Variants in HTATIP2 observed in about 807,000 individuals in gnomAD.
HTATIP2 encodes protein HTATIP2.
Under a neutral mutation model 24.7 loss-of-function variants are expected in HTATIP2, and 26 were observed. The ratio of observed to expected loss-of-function variants is 1.05; its 90% CI spans 0.77 to 1.46. The LOEUF (loss-of-function observed/expected upper bound fraction) is 1.46, where lower values mean the gene tolerates loss of function less well. Ranked by LOEUF, HTATIP2 falls within the 40% of genes most tolerant of loss-of-function variation. The pLI is 0.00. For synonymous variants in HTATIP2, 99 were observed against 113.2 expected (o/e 0.87, Z 0.79); for missense variants, 284 against 289.6 (o/e 0.98, Z 0.14).
chr11:20,363,992 G>A lies in HTATIP2; in HGVS notation c.-246G>A. 1.6e-6 allele frequency: 2 copies of A among 1,270,656 alleles called. No homozygotes were observed. The highest frequency in any genetic ancestry group is 2.0e-6 in the Non-Finnish European group (2 of 1,007,922). The allele number at this position is 1,270,656 out of a possible 1,614,324, so 78.7% of individuals were successfully genotyped here. A position where few individuals can be genotyped will look rare whatever the true frequency, so the allele number is the denominator to read the frequency against. ...GATACCGTGGGGTATGCCCAGTGAT[G>A]CCAGCAGCTTGTGGCACCTGGGCGC... On this transcript the variant is annotated 5_prime_UTR_variant, in exon 1 of 5. The change abolishes an upstream ATG in the 5' untranslated region. Coordinates refer to ENST00000451739, the MANE Select transcript of HTATIP2 (RefSeq NM_001098522.2).
At chr11:20,367,680 G>C (rs566933178) in intron 2 of HTATIP2, 1 of 1,134,260 alleles carries the variant, frequency 8.8e-7, no homozygotes, top group East Asian at 5.4e-5. Flanking sequence ...TGAGTGATTT[G>C]CTTCAACTTA....
Position 20,363,961 on chromosome 11 carries a change from GC to G in HTATIP2, c.-275del. 8.0e-7 allele frequency: 1 copy of G among 1,244,256 alleles called. No individual in the cohort carries two copies. Among genetic ancestry groups the G allele is most frequent in the Non-Finnish European group, 1.0e-6 (1 of 992,384 alleles). 77.1% of individuals were successfully genotyped at this position (1,244,256 alleles called of 1,614,324 possible). On this transcript the variant is annotated 5_prime_UTR_variant, in exon 1 of 5. It removes the in-frame stop codon of an upstream open reading frame in the 5' UTR. Transcript: ENST00000451739. ...GAGCTGGGCCAGGTCTCCTGGCCGG[GC>G]CGGGGATACCGTGGGGTATGCCCAG...
intron 3 of HTATIP2, among the ~76,000 whole-genome samples, chr11:20,378,309 T>C (rs1311460967): frequency 6.6e-6 from 1 of 152,148 alleles, no homozygotes; most frequent in Non-Finnish European, 1.5e-5. Flanking sequence ...AAATCTGTTT[T>C]CCTTTTTTTT....
intron 2 of HTATIP2, chr11:20,367,518 C>G: frequency 1.4e-6 from 2 of 1,437,312 alleles, no homozygotes; most frequent in Non-Finnish European, 1.8e-6. Flanking sequence ...TAAATATTTA[C>G]ATGATTTTGC....
intron 4 of HTATIP2, 101 bp downstream of exon 4, chr11:20,382,340 T>C: frequency 1.4e-6 from 1 of 703,992 alleles, no homozygotes; most frequent in Non-Finnish European, 2.5e-6. Context: ...ATATCTAAGA[T>C]ATGAAAGACA....
chr11:20,382,190 G>A lies in HTATIP2; in HGVS notation c.454G>A (p.Ala152Thr), dbSNP rs769232784. 94 of 1,591,110 alleles carry A rather than the reference G, an allele frequency of 5.9e-5. No homozygotes were observed. Among genetic ancestry groups the A allele is most frequent in the Admixed American group, 1.2e-4 (7 of 59,946 alleles). ...TTTTTCTTAATAGGGAGAAGTAGAA[G>A]CCAAGGTTGAAGAATTAAAATTTGA... ...LYLQVKGEVE[A>T]KVEELKFDRY... The change falls in exon 4 of 5, where the codon GCC becomes ACC. Residue 152 changes from alanine to threonine, a missense_variant. Coordinates refer to ENST00000451739, the MANE Select transcript of HTATIP2 (RefSeq NM_001098522.2).
rs752194360 is a variant in HTATIP2 at position 20,383,091 on chromosome 11, C to T, written c.615C>T (p.Thr205=). 1.9e-5 allele frequency: 31 copies of T among 1,613,670 alleles called. No individual in the cohort carries two copies. The highest frequency in any genetic ancestry group is 4.5e-5 in the East Asian group (2 of 44,858). ...WASGHSVPVV[T]VVRAMLNNVV... Reference sequence around the variant, plus strand: ...GTGGGCATTCTGTGCCTGTGGTGACCGTGGTTAGAGCAATGCTGAACAATG... The same window carrying T: ...GTGGGCATTCTGTGCCTGTGGTGACTGTGGTTAGAGCAATGCTGAACAATG... Residue 205 remains threonine, a synonymous_variant, in exon 5 of 5, where the codon ACC becomes ACT. Transcript: ENST00000451739.
At chr11:20,368,710 A>C (rs2064740056) in intron 2 of HTATIP2, among the ~76,000 whole-genome samples, 1 of 152,218 alleles carries the variant, frequency 6.6e-6, no homozygotes, top group South Asian at 2.1e-4. Context: ...AGAAGGGTTG[A>C]TTTTCATGAC....
intron 3 of HTATIP2, among the ~76,000 whole-genome samples, chr11:20,379,895 C>CA (rs1276463811): frequency 2.0e-5 from 3 of 152,192 alleles, no homozygotes; most frequent in Non-Finnish European, 4.4e-5. Context: ...TAGTCATACT[C>CA]ACAGCTACAA....
At chr11:20,364,688 C>G (rs762762926) in intron 1 of HTATIP2, among the ~76,000 whole-genome samples, 2 of 152,092 alleles carry the variant, frequency 1.3e-5, no homozygotes, top group Admixed American at 1.3e-4. Flanking sequence ...AAAGCTGGGT[C>G]TGGGTTGTAA....
At chr11:20,378,678 G>A (rs1047584752) in intron 3 of HTATIP2, among the ~76,000 whole-genome samples, 4 of 152,196 alleles carry the variant, frequency 2.6e-5, no homozygotes, top group African/African-American at 7.2e-5. Context: ...AACACTAAAT[G>A]AGCCAGGCAG....
rs183358624 is a variant in HTATIP2 at position 20,365,142 on chromosome 11, C to T, written c.195+710C>T. ...GGAACTACAGGCGTGCGTCACCACT[C>T]CTGGCTAACTTTTGTATTTTTAGTA... On this transcript the variant is annotated intron_variant, in intron 1 of 4. Coordinates refer to ENST00000451739, the MANE Select transcript of HTATIP2 (RefSeq NM_001098522.2). Among the ~76,000 whole-genome samples the T allele has an allele frequency of 3.8e-3, 579 of 152,230 alleles. 4 individuals carry two copies. Among genetic ancestry groups the T allele is most frequent in the Non-Finnish European group, 6.6e-3 (447 of 68,006 alleles).
At chr11:20,369,706 T>G (rs893252687) in intron 2 of HTATIP2, among the ~76,000 whole-genome samples, 5 of 152,242 alleles carry the variant, frequency 3.3e-5, no homozygotes, top group African/African-American at 1.2e-4. Context: ...ATAAGACCAC[T>G]AGTCATACTG....
rs200473579 is a variant in HTATIP2, at chr11:20,364,385, A to G, written c.148A>G (p.Ile50Val). The change falls in exon 1 of 5, where the codon ATT (isoleucine) becomes GTT (valine). Residue 50 changes from isoleucine (I) to valine (V), a missense_variant. Coordinates refer to ENST00000451739, the MANE Select transcript of HTATIP2 (RefSeq NM_001098522.2). Reference sequence around the variant, plus strand: ...GGGCCTGTTTTCCAAAGTCACGCTCATTGGCCGGAGGAAGCTCACCTTCGA... The same window carrying G: ...GGGCCTGTTTTCCAAAGTCACGCTCGTTGGCCGGAGGAAGCTCACCTTCGA... ...EQGLFSKVTL[I>V]GRRKLTFDEE... 79 of 1,611,754 alleles carry G rather than the reference A, an allele frequency of 4.9e-5. No individual in the cohort carries two copies. In the East Asian group the frequency reaches 1.6e-3, roughly 33 times the overall value.
chr11:20,376,005 A>C (rs1200609505), intron 2 of HTATIP2: 1 of 152,438 alleles, frequency 6.6e-6, no homozygotes, highest in African/African-American at 2.4e-5. Flanking sequence ...CACTGCCTTC[A>C]CTGGACTGAA....
At chr11:20,370,340 T>G (rs2064758334) in intron 2 of HTATIP2, among the ~76,000 whole-genome samples, 2 of 152,202 alleles carry the variant, frequency 1.3e-5, no homozygotes, top group South Asian at 4.1e-4. Flanking sequence ...AATAGTTCAT[T>G]TCCCCTTATT....
chr11:20,366,091 T>C (rs1224378292), intron 1 of HTATIP2, among the ~76,000 whole-genome samples: 2 of 147,886 alleles, frequency 1.4e-5, no homozygotes, highest in Non-Finnish European at 3.0e-5. Context: ...TTTCTTTTCT[T>C]TTCTTTTCTT....
chr11:20,382,952 CTTTCTT>C, intron 4 of HTATIP2, 22 bp from the exon 5 acceptor site: 1 of 1,508,990 alleles, frequency 6.6e-7, no homozygotes, highest in Non-Finnish European at 8.9e-7. Flanking sequence ...CTCTGCTTTT[CTTTCTT>C]TTTTTTTTTT....
At chr11:20,373,125 G>A (rs1304685230) in intron 2 of HTATIP2, among the ~76,000 whole-genome samples, 1 of 152,184 alleles carries the variant, frequency 6.6e-6, no homozygotes, top group African/African-American at 2.4e-5. Context: ...CCAGAGAACA[G>A]CAATGGAGAA....
Sources: gnomAD v4.1 joint callset for allele counts (sites outside exome capture counted in the v4.1 genomes callset) on GRCh38, gnomAD v4.1.1 for gene constraint, MANE v1.5 for transcripts, NCBI Gene and HGNC (gene_info 2026-07-23, HGNC 2026-07-21) for gene names.